The following HCN3 variants were observed in gnomAD, a reference collection of about 807,000 sequenced individuals.
HCN3 encodes the protein hyperpolarization activated cyclic nucleotide gated potassium channel 3.
Under a neutral mutation model 56.8 loss-of-function variants are expected in HCN3, and 36 were observed. That is an observed-to-expected ratio of 0.63 (90% confidence interval 0.49 to 0.84). The LOEUF (loss-of-function observed/expected upper bound fraction) is 0.84. Among genes scored for constraint, HCN3 ranks in the 40% least tolerant of loss-of-function variants. The pLI is 0.00. For missense variants in HCN3, 930 were observed against 1,079.3 expected, an observed-to-expected ratio of 0.86 and a Z score of 1.94; for synonymous variants, 425 against 439.7, an observed-to-expected ratio of 0.97 and a Z score of 0.42.
intron 1 of HCN3, 107 bp downstream of exon 1, chr1:155,277,975 C>G: frequency 7.3e-7 from 1 of 1,369,280 alleles, no homozygotes; most frequent in Non-Finnish European, 1.0e-6. Flanking sequence ...CATTTCCAGC[C>G]CGGGGTCCCT....
At chr1:155,286,391 C>T (rs756078457) in intron 6 of HCN3, among the ~76,000 whole-genome samples, 7 of 152,274 alleles carry the variant, frequency 4.6e-5, no homozygotes, top group Admixed American at 1.3e-4. Context: ...GTGATCCGCC[C>T]GCCTCAGCCT....
In HCN3 at chr1:155,277,578, CG is replaced by C. The variant is rs1299725309; in HGVS notation, c.-9del. On this transcript the variant is annotated 5_prime_UTR_variant, in exon 1 of 8. Coordinates refer to ENST00000368358, the MANE Select transcript of HCN3 (RefSeq NM_020897.3). The stretch of plus-strand genomic sequence containing the variant: ...GGCTCTAGGAGGCCGAGCGTGTAAG[CG>C]GGGTGGGCGCCATGGAGGCAGAGCA... 9.0e-6 allele frequency: 14 copies of C among 1,555,850 alleles called. No homozygotes were observed. Among genetic ancestry groups the C allele is most frequent in the Non-Finnish European group, 1.2e-5 (14 of 1,151,886 alleles).
In HCN3 at chr1:155,282,746, G is replaced by A. The variant is rs376362078; in HGVS notation, c.614G>A (p.Arg205Gln). Residue 205 changes from arginine (R) to glutamine (Q), a missense_variant, in exon 2 of 8, where the codon CGG becomes CAG. Physicochemically the swap from Arg to Gln is conservative, Grantham distance 43. Transcript: ENST00000368358. This position sits in a 1 kb window ranked among gnomAD's most constrained non-coding sequence, Gnocchi z 4.7. ...RLDAEVYKTA[R>Q]ALRIVRFTKI... ...GACGCTGAGGTCTACAAAACGGCAC[G>A]GGCCCTACGCATCGTTCGCTTCACC... The A allele has an allele frequency of 3.1e-6, 5 of 1,614,052 alleles. No individual in the cohort carries two copies. Among genetic ancestry groups the A allele is most frequent in the South Asian group, 2.2e-5 (2 of 91,088 alleles).
In HCN3 at chr1:155,277,544, G is replaced by T; in HGVS notation, c.-47G>T. ...CTGGAGGGGTTGCGGGTACCTGATG[G>T]CCACAGAGGGCTCTAGGAGGCCGAG... is the stretch of plus-strand genomic sequence containing the variant. On this transcript the variant is annotated 5_prime_UTR_variant, in exon 1 of 8. Coordinates refer to ENST00000368358, the MANE Select transcript of HCN3 (RefSeq NM_020897.3). 1 of 1,513,656 alleles carries T rather than the reference G, an allele frequency of 6.6e-7. No individual in the cohort carries two copies. Among genetic ancestry groups the T allele is most frequent in the Non-Finnish European group, 8.8e-7 (1 of 1,130,678 alleles). 93.8% of individuals were successfully genotyped at this position (1,513,656 alleles called of 1,614,324 possible). A position where few individuals can be genotyped will look rare whatever the true frequency, so the allele number is the denominator to read the frequency against.
rs201982885 is a variant in HCN3 at position 155,288,303 on chromosome 1, G to A, written c.2165G>A (p.Arg722Gln). The change falls in exon 8 of 8, where the codon CGG becomes CAG. Residue 722 changes from arginine to glutamine, a missense_variant. By Grantham distance (43) the Arg-to-Gln change is conservative. Transcript: ENST00000368358. This position sits in a 1 kb window ranked among gnomAD's most constrained non-coding sequence, Gnocchi z 6.5. The part of the protein sequence containing the change: ...LSASQPSLPQ[R>Q]ATGDGSPGRK... The stretch of plus-strand genomic sequence containing the variant: ...GCCTCCCAACCCTCTCTGCCTCAGC[G>A]GGCAACAGGCGATGGCTCTCCTGGG... 2.6e-5 allele frequency: 42 copies of A among 1,612,642 alleles called. No individual in the cohort carries two copies. The highest frequency in any genetic ancestry group is 6.7e-5 in the Admixed American group (4 of 59,948).
In HCN3 at chr1:155,285,766, C is replaced by A. The variant is rs777747988; in HGVS notation, c.1279C>A (p.Pro427Thr). Reference protein sequence around the residue: ...FTCRGLVAHMPLFAHADPSFV... With the variant: ...FTCRGLVAHMTLFAHADPSFV... ...CTGTCGGGGCCTGGTGGCCCACATG[C>A]CGCTGTTTGCCCATGCCGACCCCAG... Residue 427 changes from proline (P) to threonine (T), a missense_variant, in exon 6 of 8, where the codon CCG becomes ACG. Coordinates refer to ENST00000368358, the MANE Select transcript of HCN3 (RefSeq NM_020897.3). This position sits in a 1 kb window ranked among gnomAD's most constrained non-coding sequence, Gnocchi z 4.5. The A allele has an allele frequency of 6.2e-7, 1 of 1,614,176 alleles. No individual in the cohort carries two copies. The highest frequency in any genetic ancestry group is 2.2e-5 in the East Asian group (1 of 44,880).
intron 1 of HCN3, among the ~76,000 whole-genome samples, chr1:155,280,264 T>TTTTATTTA (rs58830301): frequency 5.4e-5 from 8 of 148,296 alleles, no homozygotes; most frequent in African/African-American, 1.8e-4. Flanking sequence ...TATTTATTTA[T>TTTTATTTA]TTTATTTATT....
chr1:155,288,069 G>T lies in HCN3; in HGVS notation c.1931G>T (p.Arg644Leu), dbSNP rs569376899. The change falls in exon 8 of 8, where the codon CGC becomes CTC. Residue 644 changes from arginine to leucine, a missense_variant. By Grantham distance (102) the Arg-to-Leu change is moderately radical. Transcript: ENST00000368358. This position sits in a 1 kb window ranked among gnomAD's most constrained non-coding sequence, Gnocchi z 6.5. ...SPDSPATLLA[R>L]SAWRSAGSPA... is the part of the protein sequence containing the mutation. ...GACTCTCCAGCCACCCTCCTTGCTC[G>T]CTCTGCTTGGCGCTCAGCAGGCTCT... 20 of 1,612,750 alleles carry T rather than the reference G, an allele frequency of 1.2e-5. No homozygotes were observed. The highest frequency in any genetic ancestry group is 1.6e-5 in the Non-Finnish European group (19 of 1,179,714).
In HCN3 at chr1:155,289,495, G is replaced by A. The variant is rs1259369265; in HGVS notation, c.*1032G>A. On this transcript the variant is annotated 3_prime_UTR_variant, in exon 8 of 8. Transcript: ENST00000368358. The stretch of plus-strand genomic sequence containing the variant: ...AATACTTGAACCTTCTCCCAGGTAG[G>A]GGCAGGAGGAGCCACATGAGAGAGG... 6.6e-6 allele frequency: 1 copy of A among 152,268 alleles called. No homozygotes were observed. The highest frequency in any genetic ancestry group is 1.9e-4 in the East Asian group (1 of 5,266). The allele number at this position is 152,268 out of a possible 1,614,324, so 9.4% of individuals were successfully genotyped here. A position where few individuals can be genotyped will look rare whatever the true frequency, so the allele number is the denominator to read the frequency against.
chr1:155,287,348 T>A lies in HCN3; in HGVS notation c.1642+11T>A. The A allele has an allele frequency of 1.9e-6, 3 of 1,613,432 alleles. No homozygotes were observed. The highest frequency in any genetic ancestry group is 2.5e-6 in the Non-Finnish European group (3 of 1,179,830). ...GGCTGCTCCGCATCGGTGAGACCTG[T>A]CCACCCCATCTGCTCTGGGTCCAGA... On this transcript the variant is annotated intron_variant, in intron 7 of 7. Coordinates refer to ENST00000368358, the MANE Select transcript of HCN3 (RefSeq NM_020897.3).
chr1:155,280,959 G>A (rs1674020980), intron 1 of HCN3, among the ~76,000 whole-genome samples: 1 of 145,852 alleles, frequency 6.9e-6, no homozygotes, highest in Admixed American at 6.9e-5. Flanking sequence ...TCTCCATGTT[G>A]GTCAGGCTGG....
rs201807735 is a variant in HCN3, at chr1:155,285,336, G to C, written c.1236+25G>C. On this transcript the variant is annotated intron_variant, in intron 5 of 7. Transcript: ENST00000368358. This position sits in a 1 kb window ranked among gnomAD's most constrained non-coding sequence, Gnocchi z 4.5. ...GGTGGGGCTGGGTTGGGCCTGGAAG[G>C]GGGGCTCTTCAGGGACCTGGAGTGC... 5.6e-6 allele frequency: 9 copies of C among 1,612,366 alleles called. No homozygotes were observed. The highest frequency in any genetic ancestry group is 5.3e-5 in the African/African-American group (4 of 74,940).
Position 155,284,633 on chromosome 1 carries a change from T to G in HCN3, c.965T>G (p.Met322Arg). Residue 322 changes from methionine to arginine, a missense_variant, in exon 4 of 8, where the codon ATG (methionine) becomes AGG (arginine). Physicochemically the swap from Met to Arg is moderately conservative, Grantham distance 91 (BLOSUM62 -1). Transcript: ENST00000368358. This position sits in a 1 kb window ranked among gnomAD's most constrained non-coding sequence, Gnocchi z 4.3. The stretch of plus-strand genomic sequence containing the variant: ...TATGGGCAGCAGGCACCTGTAGGCA[T>G]GCCCGACGTCTGGCTCACCATGCTC... ...IGYGQQAPVG[M>R]PDVWLTMLSM... 2 of 1,614,160 alleles carry G rather than the reference T, an allele frequency of 1.2e-6. No homozygotes were observed. Among genetic ancestry groups the G allele is most frequent in the Non-Finnish European group, 1.7e-6 (2 of 1,180,050 alleles).
At position 155,277,767 on chromosome 1, in the gene HCN3, G is replaced by C. The variant is rs369490854; in HGVS notation, c.177G>C (p.Lys59Asn). 6.2e-7 allele frequency: 1 copy of C among 1,609,718 alleles called. No homozygotes were observed. The highest frequency in any genetic ancestry group is 8.5e-7 in the Non-Finnish European group (1 of 1,178,534). The change falls in exon 1 of 8, where the codon AAG becomes AAC. Residue 59 changes from lysine (K) to asparagine (N), a missense_variant. Physicochemically the swap from Lys to Asn is moderately conservative, Grantham distance 94 (BLOSUM62 0). Coordinates refer to ENST00000368358, the MANE Select transcript of HCN3 (RefSeq NM_020897.3). ...LGTLLQPTVN[K>N]FSLRVFGSHK... ...CGCTGCTCCAGCCTACGGTCAACAAGTTCTCCCTTCGGGTGTTCGGCAGCC... is the reference window on the plus strand; with the variant it reads ...CGCTGCTCCAGCCTACGGTCAACAACTTCTCCCTTCGGGTGTTCGGCAGCC...
rs113168464 is a variant in HCN3, at chr1:155,284,709, G to A, written c.1041G>A (p.Thr347=). The A allele has an allele frequency of 3.4e-5, 55 of 1,614,192 alleles. 1 individual carries two copies. The East Asian group carries it at 4.5e-4, about 13-fold the overall frequency. The change falls in exon 4 of 8, where the codon ACG becomes ACA. Residue 347 remains threonine, a synonymous_variant. Coordinates refer to ENST00000368358, the MANE Select transcript of HCN3 (RefSeq NM_020897.3). This position sits in a 1 kb window ranked among gnomAD's most constrained non-coding sequence, Gnocchi z 4.3. ...ACGCCATGTTCATCGGCCATGCCAC[G>A]GCACTCATCCAGTCCCTGGACTCTT... ...TCYAMFIGHA[T]ALIQSLDSSR...
intron 2 of HCN3, 55 bp from the exon 3 acceptor site, chr1:155,283,919 G>A: frequency 6.4e-7 from 1 of 1,574,210 alleles, no homozygotes; most frequent in Non-Finnish European, 8.7e-7. Context: ...GGGAATGGAG[G>A]AGGACAAGCA....
Position 155,277,539 on chromosome 1 carries a change from T to C in HCN3, c.-52T>C. 1 of 1,506,716 alleles carries C rather than the reference T, an allele frequency of 6.6e-7. No individual in the cohort carries two copies. The highest frequency in any genetic ancestry group is 8.9e-7 in the Non-Finnish European group (1 of 1,127,258). 93.3% of individuals were successfully genotyped at this position (1,506,716 alleles called of 1,614,324 possible). On this transcript the variant is annotated 5_prime_UTR_variant, in exon 1 of 8. Coordinates refer to ENST00000368358, the MANE Select transcript of HCN3 (RefSeq NM_020897.3). ...CTGCTCTGGAGGGGTTGCGGGTACC[T>C]GATGGCCACAGAGGGCTCTAGGAGG...
chr1:155,278,877 C>T (rs1234535286), intron 1 of HCN3, among the ~76,000 whole-genome samples: 2 of 152,120 alleles, frequency 1.3e-5, no homozygotes, highest in Non-Finnish European at 2.9e-5. Flanking sequence ...AGACGGATCC[C>T]CAGAAGCCTG....
At position 155,285,957 on chromosome 1, in the gene HCN3, C is replaced by T; in HGVS notation, c.1470C>T (p.Tyr490=). 1 of 1,581,860 alleles carries T rather than the reference C, an allele frequency of 6.3e-7. No individual in the cohort carries two copies. Among genetic ancestry groups the T allele is most frequent in the African/African-American group, 1.3e-5 (1 of 74,504 alleles). Residue 490 remains tyrosine (Y), a synonymous_variant, in exon 6 of 8, where the codon TAC becomes TAT. Transcript: ENST00000368358. This position sits in a 1 kb window ranked among gnomAD's most constrained non-coding sequence, Gnocchi z 4.5. The part of the protein sequence containing the change: ...ARDTRLTDGS[Y]FGEICLLTRG... ...ACACACGCCTCACCGATGGATCCTA[C>T]TTTGGGGGTCAGCAGGCCTCAGGGA...
Sources: allele counts gnomAD v4.1 joint callset (sites outside exome capture counted in the v4.1 genomes callset), GRCh38; gene constraint gnomAD v4.1.1; non-coding constraint Gnocchi (gnomAD v3.1); transcripts MANE v1.5; gene names NCBI Gene and HGNC (gene_info 2026-07-23, HGNC 2026-07-21).